The following NDUFS4 variants were observed in gnomAD, a reference collection of about 807,000 sequenced individuals.
NDUFS4 encodes the protein NADH:ubiquinone oxidoreductase subunit S4, also known as NADH dehydrogenase [ubiquinone] iron-sulfur protein 4, mitochondrial.
In NDUFS4, 28 loss-of-function variants were observed where a neutral mutation model predicts 24.3. The ratio of observed to expected loss-of-function variants is 1.15; its 90% confidence interval spans 0.85 to 1.58. The LOEUF (loss-of-function observed/expected upper bound fraction) is 1.58. Among genes scored for constraint, NDUFS4 ranks in the 40% most tolerant of loss-of-function variants. The pLI is 0.00. For synonymous variants in NDUFS4, 93 were observed against 69.7 expected, an observed-to-expected ratio of 1.34 and a Z score of -1.67; for missense variants, 223 against 207.9, an observed-to-expected ratio of 1.07 and a Z score of -0.45.
chr5:53,646,615 T>A (rs527945929), intron 3 of NDUFS4, among the ~76,000 whole-genome samples: 58 of 152,226 alleles, frequency 3.8e-4, no homozygotes, highest in Non-Finnish European at 6.5e-4. Context: ...GACATAGTCT[T>A]TTTCAGAGTA....
chr5:53,680,402 C>T (rs970169780), intron 4 of NDUFS4, among the ~76,000 whole-genome samples: 1 of 152,200 alleles, frequency 6.6e-6, no homozygotes, highest in Non-Finnish European at 1.5e-5. Flanking sequence ...CGTATGTTTA[C>T]TGCGGCACTA....
At chr5:53,681,223 G>T (rs1264245487) in intron 4 of NDUFS4, among the ~76,000 whole-genome samples, 1 of 152,106 alleles carries the variant, frequency 6.6e-6, no homozygotes, top group African/African-American at 2.4e-5. Flanking sequence ...GGCCGTCTGT[G>T]TTTAAATCCT....
chr5:53,622,795 A>G (rs1016118448), intron 2 of NDUFS4, among the ~76,000 whole-genome samples: 2 of 152,218 alleles, frequency 1.3e-5, no homozygotes, highest in East Asian at 3.8e-4. Flanking sequence ...CATTAACCAC[A>G]TTCATAATGT....
intron 1 of NDUFS4, among the ~76,000 whole-genome samples, chr5:53,561,585 A>G (rs903052185): frequency 7.2e-5 from 11 of 151,742 alleles, no homozygotes; most frequent in Non-Finnish European, 8.8e-5. Context: ...TTTAAATTAT[A>G]GTACTAATGC....
intron 1 of NDUFS4, among the ~76,000 whole-genome samples, chr5:53,571,954 A>G (rs776469749): frequency 1.9e-4 from 29 of 152,234 alleles, no homozygotes; most frequent in Non-Finnish European, 3.5e-4. Context: ...GAAAAAATAT[A>G]TCTCTCTAGG....
chr5:53,565,895 C>T (rs1378506260), intron 1 of NDUFS4, among the ~76,000 whole-genome samples: 3 of 152,058 alleles, frequency 2.0e-5, no homozygotes, highest in African/African-American at 4.8e-5. Flanking sequence ...GTAATACGGC[C>T]GGGTGCGGTG....
At chr5:53,584,692 CT>C (rs1256479703) in intron 1 of NDUFS4, among the ~76,000 whole-genome samples, 1 of 152,168 alleles carries the variant, frequency 6.6e-6, no homozygotes, top group Non-Finnish European at 1.5e-5. Flanking sequence ...TAAGTATTAA[CT>C]CTTGTTAGAT....
chr5:53,605,462 C>T (rs946525661), intron 2 of NDUFS4, among the ~76,000 whole-genome samples: 24 of 152,088 alleles, frequency 1.6e-4, no homozygotes, highest in African/African-American at 5.8e-4. Flanking sequence ...ATACATTGCC[C>T]TAAACAGAGT....
intron 2 of NDUFS4, among the ~76,000 whole-genome samples, chr5:53,639,690 C>A (rs1561380012): frequency 6.6e-6 from 1 of 152,082 alleles, no homozygotes; most frequent in East Asian, 1.9e-4. Flanking sequence ...AGCTAAGCAT[C>A]ATTTTATTTT....
intron 4 of NDUFS4, among the ~76,000 whole-genome samples, chr5:53,661,520 T>G (rs1329519098): frequency 1.3e-5 from 2 of 152,186 alleles, no homozygotes; most frequent in African/African-American, 4.8e-5. Flanking sequence ...TAAAGTAGTT[T>G]TTTCCAATTC....
intron 2 of NDUFS4, among the ~76,000 whole-genome samples, chr5:53,624,465 G>A (rs1751156651): frequency 1.3e-5 from 2 of 152,120 alleles, no homozygotes; most frequent in African/African-American, 4.8e-5. Flanking sequence ...GTTTCCAGTT[G>A]ATGAACACAG....
intron 3 of NDUFS4, among the ~76,000 whole-genome samples, chr5:53,652,823 G>C (rs1311484185): frequency 6.6e-6 from 1 of 152,042 alleles, no homozygotes; most frequent in Non-Finnish European, 1.5e-5. Flanking sequence ...CTTTGGGTTT[G>C]ACCCAAGTGT....
At chr5:53,603,173 G>A (rs996891996) in intron 1 of NDUFS4, among the ~76,000 whole-genome samples, 3 of 152,118 alleles carry the variant, frequency 2.0e-5, no homozygotes, top group Non-Finnish European at 4.4e-5. Flanking sequence ...ATAGACAGCA[G>A]TACAGTACTT....
chr5:53,578,461 C>A (rs1749455965), intron 1 of NDUFS4, among the ~76,000 whole-genome samples: 1 of 152,154 alleles, frequency 6.6e-6, no homozygotes, highest in South Asian at 2.1e-4. Flanking sequence ...TCTTACCCTT[C>A]TCATACTTGA....
At chr5:53,608,451 C>T (rs1261450237) in intron 2 of NDUFS4, among the ~76,000 whole-genome samples, 1 of 152,170 alleles carries the variant, frequency 6.6e-6, no homozygotes, top group African/African-American at 2.4e-5. Flanking sequence ...TCATTTTACT[C>T]ACAGTGGAAC....
chr5:53,671,105 C>T (rs1740212038), intron 4 of NDUFS4, among the ~76,000 whole-genome samples: 1 of 151,746 alleles, frequency 6.6e-6, no homozygotes, highest in African/African-American at 2.4e-5. Flanking sequence ...GTACTATATA[C>T]CTATAGTATC....
chr5:53,660,101 C>A (rs573017701), intron 4 of NDUFS4, among the ~76,000 whole-genome samples: 1 of 151,064 alleles, frequency 6.6e-6, no homozygotes, highest in East Asian at 2.0e-4. Flanking sequence ...TGTGCTGCAC[C>A]GATTAACTCT....
At chr5:53,682,171 T>TA (rs1233765674) in intron 4 of NDUFS4, among the ~76,000 whole-genome samples, 4 of 152,098 alleles carry the variant, frequency 2.6e-5, no homozygotes, top group African/African-American at 9.7e-5. Flanking sequence ...GCTTAGGGAA[T>TA]AAAAGAATGA....
intron 3 of NDUFS4, 86 bp downstream of exon 3, chr5:53,646,491 A>G: frequency 7.3e-7 from 1 of 1,364,686 alleles, no homozygotes; most frequent in Non-Finnish European, 1.0e-6. Flanking sequence ...AAACTCTTTT[A>G]TGTACAATAT....
Sources: allele counts gnomAD v4.1 joint callset (sites outside exome capture counted in the v4.1 genomes callset), GRCh38; gene constraint gnomAD v4.1.1; transcripts MANE v1.5; gene names NCBI Gene and HGNC (gene_info 2026-07-23, HGNC 2026-07-21).